KLC4: variants seen among roughly 807,000 people sequenced by gnomAD.
KLC4 encodes kinesin-like protein 8.
A neutral mutation model predicts 77.2 loss-of-function variants in KLC4; 49 were observed. That is an observed-to-expected ratio of 0.63 (90% CI 0.50 to 0.80). KLC4 has a LOEUF of 0.80. Ranked by LOEUF, KLC4 falls within the 30% of genes least tolerant of loss-of-function variation. The probability of loss-of-function intolerance (pLI) is 0.00; values close to 1 mark genes in which losing one functional copy is unlikely to be tolerated. For missense variants in KLC4, 669 were observed against 793.5 expected, an observed-to-expected ratio of 0.84 and a Z score of 1.89; for synonymous variants, 274 against 314.5, an observed-to-expected ratio of 0.87 and a Z score of 1.36.
intron 9 of KLC4, 53 bp from the exon 10 acceptor site, chr6:43,071,514 C>T (rs755817758): frequency 7.5e-6 from 12 of 1,594,010 alleles, no homozygotes; most frequent in Admixed American, 1.7e-5. Flanking sequence ...CCTGGCTCTC[C>T]GACACTGTCT....
intron 1 of KLC4, chr6:43,059,942 A>C: frequency 2.3e-6 from 3 of 1,292,218 alleles, no homozygotes; most frequent in Non-Finnish European, 2.0e-6. Context: ...GGAGCTGCGG[A>C]CCTCAGTCGT....
At position 43,070,819 on chromosome 6, in the gene KLC4, A is replaced by C. The variant is rs763422215; in HGVS notation, c.1109A>C (p.Gln370Pro). The change falls in exon 8 of 16, where the codon CAG becomes CCG. Residue 370 changes from glutamine to proline, a missense_variant. By Grantham distance (76) the Gln-to-Pro change is moderately conservative. Transcript: ENST00000347162. ...CGAGCACTGGCCATCTACGAGGGGC[A>C]GCTGGGGCCGGACAACCCTAATGTA... ...YQRALAIYEG[Q>P]LGPDNPNVAR... 1 of 1,608,106 alleles carries C rather than the reference A, an allele frequency of 6.2e-7. No homozygotes were observed. The highest frequency in any genetic ancestry group is 1.7e-5 in the Admixed American group (1 of 59,624).
chr6:43,064,128 A>T (rs977945808), intron 3 of KLC4, among the ~76,000 whole-genome samples: 1 of 152,220 alleles, frequency 6.6e-6, no homozygotes, highest in Non-Finnish European at 1.5e-5. Flanking sequence ...GTGAGCCACC[A>T]CGCCTGGCTG....
chr6:43,065,683 G>A lies in KLC4; in HGVS notation c.553G>A (p.Glu185Lys). The change falls in exon 4 of 16, where the codon GAG becomes AAG. Residue 185 changes from glutamate (E) to lysine (K), a missense_variant. Physicochemically the swap from Glu to Lys is moderately conservative, Grantham distance 56 (BLOSUM62 1). Coordinates refer to ENST00000347162, the MANE Select transcript of KLC4 (RefSeq NM_201521.3). The stretch of plus-strand genomic sequence containing the variant: ...TGACCTCTTTCCTAATGAGGAGGAA[G>A]AGGACCCCAGCAATGGCTGTGAGTC... ...LDDLFPNEEE[E>K]DPSNGLSRGQ... 6.2e-7 allele frequency: 1 copy of A among 1,613,456 alleles called. No homozygotes were observed. Among genetic ancestry groups the A allele is most frequent in the Non-Finnish European group, 8.5e-7 (1 of 1,179,516 alleles).
intron 11 of KLC4, 94 bp from the exon 12 acceptor site, chr6:43,072,053 T>C (rs1765756322): frequency 7.1e-7 from 1 of 1,405,328 alleles, no homozygotes; most frequent in Admixed American, 1.7e-5. Flanking sequence ...TCTCCTATTT[T>C]CTTATTTTTT....
intron 7 of KLC4, 30 bp from the exon 8 acceptor site, chr6:43,070,662 C>A (rs1489806346): frequency 1.9e-6 from 3 of 1,595,516 alleles, no homozygotes; most frequent in South Asian, 1.1e-5. Context: ...GTTATCATAG[C>A]CATTTATCCA....
chr6:43,060,599 T>C, intron 1 of KLC4: 2 of 1,187,316 alleles, frequency 1.7e-6, no homozygotes, highest in Non-Finnish European at 2.1e-6. Flanking sequence ...CTCTGCTCTG[T>C]ACACAGGTAA....
At chr6:43,064,222 A>G (rs1200655439) in intron 3 of KLC4, among the ~76,000 whole-genome samples, 1 of 152,244 alleles carries the variant, frequency 6.6e-6, no homozygotes, top group Non-Finnish European at 1.5e-5. Flanking sequence ...CAAAGCAGCA[A>G]GTGCTCAGTG....
intron 3 of KLC4, among the ~76,000 whole-genome samples, chr6:43,064,094 T>A (rs1252287529): frequency 6.6e-6 from 1 of 152,138 alleles, no homozygotes; most frequent in Non-Finnish European, 1.5e-5. Flanking sequence ...GCCCTCGGCC[T>A]CCCAAAATGC....
intron 2 of KLC4, among the ~76,000 whole-genome samples, chr6:43,061,919 G>A (rs987295358): frequency 6.6e-6 from 1 of 152,126 alleles, no homozygotes; most frequent in South Asian, 2.1e-4. Flanking sequence ...AGGAAACTAG[G>A]GACTGTGGGG....
chr6:43,066,956 C>A, intron 5 of KLC4, 40 bp from the exon 6 acceptor site: 1 of 1,587,650 alleles, frequency 6.3e-7, no homozygotes, highest in Non-Finnish European at 8.6e-7. Flanking sequence ...AGAAGGCTTG[C>A]GGGTTCAGGG....
At chr6:43,073,121 C>T in intron 13 of KLC4, 102 bp from the exon 14 acceptor site, 3 of 1,319,578 alleles carry the variant, frequency 2.3e-6, no homozygotes, top group Non-Finnish European at 3.2e-6. Context: ...GTCACTGGGC[C>T]TTGGGGGTGG....
intron 7 of KLC4, 25 bp downstream of exon 7, chr6:43,070,480 T>C: frequency 6.4e-7 from 1 of 1,573,668 alleles, no homozygotes. Context: ...TCTCCCTTCT[T>C]CTCTTGTCGC....
chr6:43,060,601 C>T, intron 1 of KLC4: 1 of 1,186,730 alleles, frequency 8.4e-7, no homozygotes. Context: ...CTGCTCTGTA[C>T]ACAGGTAAGA....
intron 1 of KLC4, chr6:43,060,397 T>G: frequency 6.9e-7 from 1 of 1,452,848 alleles, no homozygotes. Flanking sequence ...TTTGAAGACC[T>G]GTGGGCAGAG....
Position 43,071,590 on chromosome 6 carries a change from C to T in KLC4, c.1279C>T (p.His427Tyr). ...VDDDHKPIWM[H>Y]AEEREEMSKS... is the part of the protein sequence containing the mutation. ...AGATGACCACAAGCCCATCTGGATG[C>T]ATGCAGAGGAGCGGGAGGAAATGAG... Residue 427 changes from histidine to tyrosine, a missense_variant, in exon 10 of 16, where the codon CAT (histidine) becomes TAT (tyrosine). Transcript: ENST00000347162. 1.9e-6 allele frequency: 3 copies of T among 1,613,680 alleles called. No homozygotes were observed. Among genetic ancestry groups the T allele is most frequent in the Non-Finnish European group, 1.7e-6 (2 of 1,179,926 alleles).
In KLC4 at chr6:43,073,269, G is replaced by A. The variant is rs1194219707; in HGVS notation, c.1676G>A (p.Arg559Gln). 1.4e-5 allele frequency: 22 copies of A among 1,613,982 alleles called. No individual in the cohort carries two copies. Among genetic ancestry groups the A allele is most frequent in the Admixed American group, 1.0e-4 (6 of 60,002 alleles). ...AGGAGTGGCTCTCTTGGCAAGATCC[G>A]GGATGTGCTCCGCAGAAGCAGTGAA... is the stretch of plus-strand genomic sequence containing the variant. ...LQRSGSLGKI[R>Q]DVLRRSSELL... is the part of the protein sequence containing the mutation. The change falls in exon 14 of 16, where the codon CGG becomes CAG. Residue 559 changes from arginine (R) to glutamine (Q), a missense_variant. Arg to Gln is a conservative substitution (Grantham distance 43, BLOSUM62 1). Transcript: ENST00000347162.
At chr6:43,069,177 C>T (rs571530342) in intron 6 of KLC4, among the ~76,000 whole-genome samples, 132 of 152,156 alleles carry the variant, frequency 8.7e-4, no homozygotes, top group African/African-American at 2.9e-3. Flanking sequence ...AGAGATATCA[C>T]GCCAAGGCAA....
intron 3 of KLC4, 98 bp from the exon 4 acceptor site, chr6:43,065,522 G>T: frequency 1.3e-6 from 1 of 788,354 alleles, no homozygotes; most frequent in Admixed American, 2.1e-5. Flanking sequence ...TCTTCTCCTA[G>T]GTCCCATCTG....
Sources: gnomAD v4.1 joint callset for allele counts (sites outside exome capture counted in the v4.1 genomes callset) on GRCh38, gnomAD v4.1.1 for gene constraint, MANE v1.5 for transcripts, NCBI Gene and HGNC (gene_info 2026-07-23, HGNC 2026-07-21) for gene names.